SCP2: variants seen among roughly 807,000 people sequenced by gnomAD.
SCP2 encodes SCP-2/3-oxoacyl-CoA thiolase.
In SCP2, 48 loss-of-function variants were observed where a neutral mutation model predicts 71.4. The observed-to-expected ratio is 0.67, with a 90% CI of 0.53 to 0.86. SCP2 has a LOEUF of 0.86. Among genes scored for constraint, SCP2 ranks in the 40% least tolerant of loss-of-function variants. The probability of loss-of-function intolerance (pLI) is 0.00; values close to 1 mark genes in which losing one functional copy is unlikely to be tolerated. For synonymous variants in SCP2, 220 were observed against 218.1 expected, an observed-to-expected ratio of 1.01 and a Z score of -0.08; for missense variants, 560 against 655.6, an observed-to-expected ratio of 0.85 and a Z score of 1.59.
At chr1:52,974,281 T>A (rs533311728) in intron 6 of SCP2, among the ~76,000 whole-genome samples, 19 of 152,192 alleles carry the variant, frequency 1.2e-4, no homozygotes, top group Non-Finnish European at 2.2e-4. Context: ...TGTTAAGGAA[T>A]TTAAAAGGCA....
chr1:52,953,115 T>G (rs902349867), intron 4 of SCP2, among the ~76,000 whole-genome samples: 3 of 151,084 alleles, frequency 2.0e-5, no homozygotes, highest in Middle Eastern at 3.2e-3. Context: ...GCTCTTCAGT[T>G]GAACTTTAAC....
At chr1:52,943,834 A>T in intron 2 of SCP2, 1 of 451,508 alleles carries the variant, frequency 2.2e-6, no homozygotes, top group Non-Finnish European at 4.4e-6. Context: ...TCACCCCTGC[A>T]GTAGAGGGCA....
chr1:52,964,868 G>A (rs1029775331), intron 6 of SCP2, among the ~76,000 whole-genome samples: 1 of 152,022 alleles, frequency 6.6e-6, no homozygotes, highest in African/African-American at 2.4e-5. Flanking sequence ...CAAAAAATTA[G>A]CCGAGCCTGG....
At chr1:52,936,805 G>A (rs1282754699) in intron 1 of SCP2, among the ~76,000 whole-genome samples, 1 of 152,136 alleles carries the variant, frequency 6.6e-6, no homozygotes. Context: ...TACTTTGGGG[G>A]TAGAGTGGGG....
chr1:53,035,962 G>A (rs1341725260), intron 13 of SCP2, among the ~76,000 whole-genome samples: 1 of 148,648 alleles, frequency 6.7e-6, no homozygotes, highest in Non-Finnish European at 1.5e-5. Flanking sequence ...GGAGCTTGCA[G>A]TGAGCCGAGA....
At chr1:52,953,144 C>A (rs1386319888) in intron 4 of SCP2, among the ~76,000 whole-genome samples, 1 of 150,316 alleles carries the variant, frequency 6.7e-6, no homozygotes, top group Non-Finnish European at 1.5e-5. Context: ...TAGGGGCCCC[C>A]CTCTCTCCAA....
intron 6 of SCP2, among the ~76,000 whole-genome samples, chr1:52,965,117 A>C (rs1656836927): frequency 1.3e-5 from 2 of 152,254 alleles, no homozygotes; most frequent in South Asian, 4.1e-4. Context: ...AAAATTGGGA[A>C]GTTAATATTG....
At chr1:53,044,777 C>G (rs1047237625) in intron 14 of SCP2, among the ~76,000 whole-genome samples, 14 of 152,254 alleles carry the variant, frequency 9.2e-5, no homozygotes, top group Admixed American at 2.6e-4. Flanking sequence ...TGAATTTTTC[C>G]TTTTGCACTT....
Position 53,042,339 on chromosome 1 carries a change from G to GTT in SCP2, c.1468+3302_1468+3303dup, listed in dbSNP as rs113677286. Among the ~76,000 whole-genome samples the GTT allele has an allele frequency of 3.8e-3, 557 of 147,322 alleles. 9 individuals are homozygous for GTT. The highest frequency in any genetic ancestry group is 0.013 in the African/African-American group (538 of 40,300). The stretch of plus-strand genomic sequence containing the variant: ...ATATGCCCATACTGATATTAAGGTT[G>GTT]TTTTTTTTTTAATTTCTCCTTTTCC... On this transcript the variant is annotated intron_variant, in intron 14 of 15. Transcript: ENST00000371514.
intron 4 of SCP2, among the ~76,000 whole-genome samples, chr1:52,953,060 CTT>C (rs570429324): frequency 0.036 from 3,772 of 103,574 alleles, 94 homozygotes; most frequent in East Asian, 0.22. Context: ...GCAATTCTGT[CTT>C]TTTTTTTTTT....
At chr1:53,020,312 A>T (rs1331006753) in intron 12 of SCP2, among the ~76,000 whole-genome samples, 1 of 152,216 alleles carries the variant, frequency 6.6e-6, no homozygotes, top group Non-Finnish European at 1.5e-5. Context: ...TACTTTAGGG[A>T]TCAGAAAATA....
chr1:52,987,000 ATATATATTTT>A (rs1381308357), intron 10 of SCP2, among the ~76,000 whole-genome samples: 2 of 88,956 alleles, frequency 2.2e-5, no homozygotes, highest in African/African-American at 1.2e-4. Context: ...ATATATATAT[ATATATATTTT>A]TTTTTTTTTT....
intron 12 of SCP2, among the ~76,000 whole-genome samples, chr1:53,026,200 CA>C (rs1345648247): frequency 6.6e-6 from 1 of 152,086 alleles, no homozygotes; most frequent in Non-Finnish European, 1.5e-5. Context: ...TTGTGAAAAT[CA>C]AATCAGTATA....
intron 12 of SCP2, among the ~76,000 whole-genome samples, chr1:53,024,097 T>C (rs1661937088): frequency 6.6e-6 from 1 of 152,210 alleles, no homozygotes; most frequent in Non-Finnish European, 1.5e-5. Flanking sequence ...TTCTGATTTG[T>C]TCATCTTAAA....
At chr1:52,992,405 A>G (rs1227178567) in intron 11 of SCP2, among the ~76,000 whole-genome samples, 2 of 152,228 alleles carry the variant, frequency 1.3e-5, no homozygotes, top group East Asian at 3.8e-4. Flanking sequence ...ACAAACAAAA[A>G]CAGTTTTAGT....
intron 7 of SCP2, 152 bp downstream of exon 7, chr1:52,974,984 C>T: frequency 1.6e-6 from 1 of 624,072 alleles, no homozygotes; most frequent in Non-Finnish European, 2.9e-6. Flanking sequence ...CGCAAGTAAA[C>T]TTTTGACAAC....
intron 9 of SCP2, 91 bp downstream of exon 9, chr1:52,978,458 T>G (rs1275737549): frequency 9.9e-7 from 1 of 1,009,544 alleles, no homozygotes; most frequent in East Asian, 2.6e-5. Flanking sequence ...ATAATAACTT[T>G]TAATTAACTA....
chr1:52,989,309 A>T (rs1659266754), intron 11 of SCP2, among the ~76,000 whole-genome samples: 2 of 152,228 alleles, frequency 1.3e-5, no homozygotes, highest in Non-Finnish European at 2.9e-5. Flanking sequence ...AATTGTCAAG[A>T]TCAACTTTTT....
At chr1:52,937,566 A>T (rs1281824681) in intron 1 of SCP2, among the ~76,000 whole-genome samples, 1 of 152,212 alleles carries the variant, frequency 6.6e-6, no homozygotes, top group Non-Finnish European at 1.5e-5. Flanking sequence ...ATGGAGAAGA[A>T]TTGGGATGGG....
Sources: gnomAD v4.1 joint callset for allele counts (sites outside exome capture counted in the v4.1 genomes callset) on GRCh38, gnomAD v4.1.1 for gene constraint, MANE v1.5 for transcripts, NCBI Gene and HGNC (gene_info 2026-07-23, HGNC 2026-07-21) for gene names.